Variants in PCDHGB3 observed in about 807,000 individuals in gnomAD.
The protein encoded by PCDHGB3 is protocadherin gamma subfamily B, 3, also known as protocadherin gamma-B3.
A neutral mutation model predicts 59.2 loss-of-function variants in PCDHGB3; 40 were observed. The observed-to-expected ratio is 0.68, with a 90% confidence interval of 0.52 to 0.88. PCDHGB3 has a LOEUF of 0.88. Among genes scored for constraint, PCDHGB3 ranks in the 40% least tolerant of loss-of-function variants. The pLI, the probability that PCDHGB3 is intolerant of heterozygous loss-of-function variation, is 0.00. For missense variants in PCDHGB3, 1,309 were observed against 1,187.9 expected (o/e 1.10, Z -1.50); for synonymous variants, 581 against 503.6 (o/e 1.15, Z -2.06).
Position 141,485,844 on chromosome 5 carries a change from G to A in PCDHGB3, c.2416-8963G>A, listed in dbSNP as rs201857404. On this transcript the variant is annotated intron_variant, in intron 1 of 3. Transcript: ENST00000576222. The surrounding 1 kb of genome is among the most constrained non-coding windows in gnomAD (Gnocchi z 5.7). ...GATGGAGGGAACCCGCCGAGATCTGGCACCGCAGAGCTCCGGGTATCCGTG... is the reference window on the plus strand; with the variant it reads ...GATGGAGGGAACCCGCCGAGATCTGACACCGCAGAGCTCCGGGTATCCGTG... 6 of 1,613,890 alleles carry A rather than the reference G, an allele frequency of 3.7e-6. No homozygotes were observed. In the East Asian group the frequency reaches 1.1e-4, roughly 30 times the overall value.
At chr5:141,437,896 C>T (rs943440712) in intron 1 of PCDHGB3, among the ~76,000 whole-genome samples, 2 of 152,128 alleles carry the variant, frequency 1.3e-5, no homozygotes, top group African/African-American at 4.8e-5. Flanking sequence ...CGCCACCACA[C>T]CCAGCTAATT....
chr5:141,421,895 G>A, intron 1 of PCDHGB3: 1 of 1,613,730 alleles, frequency 6.2e-7, no homozygotes, highest in African/African-American at 1.3e-5. Flanking sequence ...GATCCCATCC[G>A]AAAGGGCGCA....
chr5:141,409,714 C>T (rs1053132512), intron 1 of PCDHGB3: 1 of 1,613,226 alleles, frequency 6.2e-7, no homozygotes, highest in Non-Finnish European at 8.5e-7. Flanking sequence ...TGTCGTCATA[C>T]GTGTCAGTGA....
chr5:141,399,203 G>C, intron 1 of PCDHGB3: 1 of 1,613,940 alleles, frequency 6.2e-7, no homozygotes, highest in Middle Eastern at 1.6e-4. Context: ...GCGGTGCCTG[G>C]AACACTAATT....
intron 1 of PCDHGB3, chr5:141,426,871 A>G (rs887250057): frequency 2.2e-6 from 1 of 456,722 alleles, no homozygotes; most frequent in Non-Finnish European, 4.4e-6. Flanking sequence ...GTGCTGGAGA[A>G]GCCCCTGGGC....
At chr5:141,373,959 T>A (rs1045656006) in intron 1 of PCDHGB3, 78 of 924,258 alleles carry the variant, frequency 8.4e-5, no homozygotes, top group Admixed American at 1.4e-4. Context: ...AATTCTGACC[T>A]GAAACGCTTC....
intron 1 of PCDHGB3, chr5:141,399,756 C>G: frequency 6.2e-7 from 1 of 1,613,346 alleles, no homozygotes; most frequent in Non-Finnish European, 8.5e-7. Flanking sequence ...CAAACGTGAG[C>G]CTGCGCGTGT....
intron 1 of PCDHGB3, chr5:141,393,008 T>C: frequency 1.2e-6 from 2 of 1,613,876 alleles, no homozygotes. Flanking sequence ...ACGGAGTCCG[T>C]ATCGTCTCCA....
chr5:141,428,587 G>C (rs914718913), intron 1 of PCDHGB3: 6 of 226,650 alleles, frequency 2.6e-5, no homozygotes, highest in Non-Finnish European at 5.3e-5. Flanking sequence ...AGTTTCTCTG[G>C]TAGCAAGCTT....
rs140459920 is a variant in PCDHGB3, at chr5:141,386,998, C to T, written c.2415+14189C>T. ...TGTGTTTTGAGGCTATGTATTATCCCCCTGATAACTTTGAAGATGAATGTT... is the reference window on the plus strand; with the variant it reads ...TGTGTTTTGAGGCTATGTATTATCCTCCTGATAACTTTGAAGATGAATGTT... On this transcript the variant is annotated intron_variant, in intron 1 of 3. Coordinates refer to ENST00000576222, the MANE Select transcript of PCDHGB3 (RefSeq NM_018924.5). Among the ~76,000 whole-genome samples, 1,144 of 152,176 alleles carry T rather than the reference C, an allele frequency of 7.5e-3. 3 individuals are homozygous for T. The highest frequency in any genetic ancestry group is 0.012 in the Non-Finnish European group (791 of 68,006).
chr5:141,490,726 AATCAGG>A lies in PCDHGB3; in HGVS notation c.2416-4080_2416-4075del. The A allele has an allele frequency of 6.2e-7, 1 of 1,614,202 alleles. No homozygotes were observed. The highest frequency in any genetic ancestry group is 8.5e-7 in the Non-Finnish European group (1 of 1,180,032). On this transcript the variant is annotated intron_variant, in intron 1 of 3. Transcript: ENST00000576222. This position sits in a 1 kb window ranked among gnomAD's most constrained non-coding sequence, Gnocchi z 5.4. Reference sequence around the variant, plus strand: ...CCGCCTCACCTACTCCATTGTAGGAAATCAGGTTCAGGGAGCCCCAGCCTCCTCCTT... The same window carrying A: ...CCGCCTCACCTACTCCATTGTAGGAATTCAGGGAGCCCCAGCCTCCTCCTT...
chr5:141,386,746 C>A (rs2090695980), intron 1 of PCDHGB3, among the ~76,000 whole-genome samples: 1 of 152,144 alleles, frequency 6.6e-6, no homozygotes, highest in Non-Finnish European at 1.5e-5. Context: ...GATCCTATGG[C>A]AGAACTACGG....
chr5:141,410,086 G>A (rs759204005), intron 1 of PCDHGB3: 3 of 1,612,588 alleles, frequency 1.9e-6, no homozygotes, highest in Non-Finnish European at 2.5e-6. Flanking sequence ...AGGTGCGCAC[G>A]GCTCGAGCCT....
intron 1 of PCDHGB3, chr5:141,391,383 G>T (rs1344096934): frequency 3.3e-5 from 5 of 150,356 alleles, no homozygotes; most frequent in African/African-American, 9.8e-5. Context: ...CACAATGATA[G>T]CTCCCTCCAG....
Position 141,371,816 on chromosome 5 carries a change from C to T in PCDHGB3, c.1422C>T (p.Val474=). 1 of 1,613,888 alleles carries T rather than the reference C, an allele frequency of 6.2e-7. No homozygotes were observed. The highest frequency in any genetic ancestry group is 8.5e-7 in the Non-Finnish European group (1 of 1,179,906). Reference sequence around the variant, plus strand: ...CGCCTGGAGCCTCCATTGCGCATGTCAGAGCCTCGGATCCCGACTTGGGAC... The same window carrying T: ...CGCCTGGAGCCTCCATTGCGCATGTTAGAGCCTCGGATCCCGACTTGGGAC... ...NNPPGASIAH[V]RASDPDLGPN... is the part of the protein sequence containing the mutation. Residue 474 remains valine (V), a synonymous_variant, in exon 1 of 4, where the codon GTC becomes GTT. Coordinates refer to ENST00000576222, the MANE Select transcript of PCDHGB3 (RefSeq NM_018924.5).
intron 2 of PCDHGB3, among the ~76,000 whole-genome samples, chr5:141,500,184 T>TTTTTTTTA (rs1554186429): frequency 7.8e-4 from 106 of 135,966 alleles, no homozygotes; most frequent in African/African-American, 2.4e-3. Context: ...TCATTTTTAT[T>TTTTTTTTA]TTTATTTATT....
rs1417754081 is a variant in PCDHGB3, at chr5:141,512,046, T to C, written c.*873T>C. 1 of 152,746 alleles carries C rather than the reference T, an allele frequency of 6.5e-6. No individual in the cohort carries two copies. Among genetic ancestry groups the C allele is most frequent in the East Asian group, 1.9e-4 (1 of 5,190 alleles). 9.5% of individuals were successfully genotyped at this position (152,746 alleles called of 1,614,324 possible). Reference sequence around the variant, plus strand: ...GCCTTGGAGGAGGCTCTGTATGTCCTCAGGGGACTGACAACATCCTCCAGA... The same window carrying C: ...GCCTTGGAGGAGGCTCTGTATGTCCCCAGGGGACTGACAACATCCTCCAGA... On this transcript the variant is annotated 3_prime_UTR_variant, in exon 4 of 4. Transcript: ENST00000576222.
At position 141,457,041 on chromosome 5, in the gene PCDHGB3, A is replaced by T. The variant is rs151212070; in HGVS notation, c.2416-37766A>T. On this transcript the variant is annotated intron_variant, in intron 1 of 3. Transcript: ENST00000576222. ...AAGTCCTAGTAGACTCAGTGATAGT[A>T]AAACTTTCATGCTTCCTTTTTGCCA... 2.3e-4 allele frequency among the ~76,000 whole-genome samples: 35 copies of T among 152,360 alleles called. No individual in the cohort carries two copies. In the East Asian group the frequency reaches 6.4e-3, roughly 28 times the overall value.
chr5:141,427,530 T>C (rs1302316196), intron 1 of PCDHGB3: 3 of 619,732 alleles, frequency 4.8e-6, no homozygotes, highest in Non-Finnish European at 9.0e-6. Context: ...GATCCCGGAG[T>C]ACAACGTCAC....
Sources: allele counts gnomAD v4.1 joint callset (sites outside exome capture counted in the v4.1 genomes callset), GRCh38; gene constraint gnomAD v4.1.1; non-coding constraint Gnocchi (gnomAD v3.1); transcripts MANE v1.5; gene names NCBI Gene and HGNC (gene_info 2026-07-23, HGNC 2026-07-21).